Variants in CNTNAP5 observed in about 807,000 individuals in gnomAD.
CNTNAP5 encodes the protein contactin-associated protein-like 5.
CNTNAP5 carries 72 observed loss-of-function variants against 150.2 expected under a neutral mutation model. That is an observed-to-expected ratio of 0.48 (90% CI 0.40 to 0.58). The LOEUF (loss-of-function observed/expected upper bound fraction) is 0.58. Among genes scored for constraint, CNTNAP5 ranks in the 20% least tolerant of loss-of-function variants. The probability of loss-of-function intolerance (pLI) is 0.00; values close to 1 mark genes in which losing one functional copy is unlikely to be tolerated. For synonymous variants in CNTNAP5, 672 were observed against 619.8 expected (o/e 1.08, Z -1.25); for missense variants, 1,636 against 1,626.2 (o/e 1.01, Z -0.10).
Position 124,334,248 on chromosome 2 carries a change from A to G in CNTNAP5, c.382-83195A>G, listed in dbSNP as rs151107972. 1.2e-3 allele frequency among the ~76,000 whole-genome samples: 188 copies of G among 152,244 alleles called. 3 individuals are homozygous for G. The highest frequency in any genetic ancestry group is 9.6e-3 in the Admixed American group (146 of 15,268). ...GTTTTCTATTGGTAATTTTTTATCCACTGACCACCAAATGGAGGAGGTAGA... is the reference window on the plus strand; with the variant it reads ...GTTTTCTATTGGTAATTTTTTATCCGCTGACCACCAAATGGAGGAGGTAGA... On this transcript the variant is annotated intron_variant, in intron 3 of 23. Transcript: ENST00000682447.
At chr2:124,444,074 T>C (rs4468821) in intron 5 of CNTNAP5, among the ~76,000 whole-genome samples, 15,588 of 152,054 alleles carry the variant, frequency 0.1, 1,263 homozygotes, top group African/African-American at 0.2. Flanking sequence ...TTTCATTTTA[T>C]ACATAAAAAC....
chr2:124,429,256 T>C (rs1692314028), intron 4 of CNTNAP5, among the ~76,000 whole-genome samples: 1 of 152,150 alleles, frequency 6.6e-6, no homozygotes, highest in Non-Finnish European at 1.5e-5. Context: ...TTTTTTTTCA[T>C]GTGCTATCAT....
chr2:124,588,151 C>CAT (rs1696588024), intron 11 of CNTNAP5, among the ~76,000 whole-genome samples: 1 of 98,394 alleles, frequency 1.0e-5, no homozygotes. Context: ...TCCTTCCTTC[C>CAT]TTCCTTTTCC....
chr2:124,898,897 A>C (rs1344749002), intron 21 of CNTNAP5, among the ~76,000 whole-genome samples: 2 of 151,568 alleles, frequency 1.3e-5, no homozygotes, highest in Admixed American at 6.6e-5. Flanking sequence ...TTATGGCGAT[A>C]TGTTAGTCAA....
At chr2:124,573,466 C>T (rs1265967627) in intron 11 of CNTNAP5, among the ~76,000 whole-genome samples, 1 of 152,180 alleles carries the variant, frequency 6.6e-6, no homozygotes, top group African/African-American at 2.4e-5. Flanking sequence ...GAAATGTAAT[C>T]ACAAGTTTTA....
rs78057160 is a variant in CNTNAP5 at position 124,269,533 on chromosome 2, G to A, written c.381+27140G>A. On this transcript the variant is annotated intron_variant, in intron 3 of 23. Coordinates refer to ENST00000682447, the MANE Select transcript of CNTNAP5 (RefSeq NM_001367498.1). ...TTTGGGACACTTTGTGCCTGCAATC[G>A]CTGGGAGAGAACAGCCATGATAAGC... Among the ~76,000 whole-genome samples the A allele has an allele frequency of 3.7e-4, 56 of 152,232 alleles. No individual in the cohort carries two copies. The East Asian group carries it at 9.9e-3, about 27-fold the overall frequency.
At chr2:124,296,548 C>G (rs899052962) in intron 3 of CNTNAP5, among the ~76,000 whole-genome samples, 4 of 152,106 alleles carry the variant, frequency 2.6e-5, no homozygotes, top group South Asian at 2.1e-4. Flanking sequence ...CTTTTCCTGT[C>G]CCTCCACTCA....
chr2:124,604,529 AG>A (rs2104977706), intron 11 of CNTNAP5, among the ~76,000 whole-genome samples: 1 of 152,362 alleles, frequency 6.6e-6, no homozygotes, highest in Non-Finnish European at 1.5e-5. Context: ...TTAAAGTGAA[AG>A]CATCAACCAT....
At chr2:124,859,371 A>G (rs1677458760) in intron 19 of CNTNAP5, among the ~76,000 whole-genome samples, 1 of 152,364 alleles carries the variant, frequency 6.6e-6, no homozygotes, top group East Asian at 1.9e-4. Flanking sequence ...ACCATCTCAT[A>G]CCAGTTAGAA....
intron 1 of CNTNAP5, among the ~76,000 whole-genome samples, chr2:124,181,433 A>G (rs1558790120): frequency 6.6e-6 from 1 of 151,348 alleles, no homozygotes; most frequent in Non-Finnish European, 1.5e-5. Flanking sequence ...CTATGTGCAA[A>G]TAACCCTATA....
At chr2:124,660,998 T>G (rs897353914) in intron 13 of CNTNAP5, among the ~76,000 whole-genome samples, 1 of 150,630 alleles carries the variant, frequency 6.6e-6, no homozygotes, top group Admixed American at 6.6e-5. Context: ...TGTAGGGCAC[T>G]TACCATGAAC....
chr2:124,713,783 C>T (rs1679889132), intron 13 of CNTNAP5, among the ~76,000 whole-genome samples: 1 of 152,154 alleles, frequency 6.6e-6, no homozygotes. Context: ...CTGATCTTCT[C>T]TTGTGCTAAT....
At chr2:124,520,384 T>G (rs1165461725) in intron 8 of CNTNAP5, among the ~76,000 whole-genome samples, 1 of 152,164 alleles carries the variant, frequency 6.6e-6, no homozygotes, top group Non-Finnish European at 1.5e-5. Context: ...CAGAATAAAA[T>G]TCACAGGAAA....
At chr2:124,541,695 T>C (rs1021214566) in intron 10 of CNTNAP5, among the ~76,000 whole-genome samples, 19 of 152,130 alleles carry the variant, frequency 1.2e-4, no homozygotes, top group Non-Finnish European at 2.9e-5. Context: ...TTCTGTGATA[T>C]TAAATAATTC....
At chr2:124,256,475 A>G (rs1415326613) in intron 3 of CNTNAP5, among the ~76,000 whole-genome samples, 1 of 152,090 alleles carries the variant, frequency 6.6e-6, no homozygotes, top group Non-Finnish European at 1.5e-5. Context: ...ATGGTTTTAT[A>G]AGTTCACCAT....
At chr2:124,357,561 G>A (rs1444705312) in intron 3 of CNTNAP5, among the ~76,000 whole-genome samples, 2 of 151,276 alleles carry the variant, frequency 1.3e-5, no homozygotes, top group Non-Finnish European at 2.9e-5. Flanking sequence ...TATTAAATAG[G>A]GAATCCTTTC....
intron 11 of CNTNAP5, among the ~76,000 whole-genome samples, chr2:124,597,616 T>C (rs28750680): frequency 0.43 from 62,640 of 147,372 alleles, 13,950 homozygotes; most frequent in East Asian, 0.79. Context: ...CTGACAATTA[T>C]GTGTCTTGGA....
intron 7 of CNTNAP5, among the ~76,000 whole-genome samples, chr2:124,479,255 A>C (rs1003302106): frequency 6.6e-6 from 1 of 152,174 alleles, no homozygotes; most frequent in African/African-American, 2.4e-5. Context: ...TATAAGAAAT[A>C]TATTGCTCTG....
At chr2:124,881,393 C>T (rs1677961352) in intron 21 of CNTNAP5, among the ~76,000 whole-genome samples, 1 of 151,826 alleles carries the variant, frequency 6.6e-6, no homozygotes, top group Admixed American at 6.6e-5. Context: ...ATGGAGAGGA[C>T]AAGAGGAAAG....
Sources: gnomAD v4.1 joint callset for allele counts (sites outside exome capture counted in the v4.1 genomes callset) on GRCh38, gnomAD v4.1.1 for gene constraint, MANE v1.5 for transcripts, NCBI Gene and HGNC (gene_info 2026-07-23, HGNC 2026-07-21) for gene names.